Variants in MAF observed in about 807,000 individuals in gnomAD.
MAF encodes transcription factor Maf.
MAF carries 10 observed loss-of-function variants against 22.0 expected under a neutral mutation model. That is an observed-to-expected ratio of 0.45 (90% CI 0.28 to 0.77). The LOEUF (loss-of-function observed/expected upper bound fraction) is 0.77. MAF is among the 30% of genes least tolerant of loss of function. The pLI is 0.12. For synonymous variants in MAF, 337 were observed against 255.8 expected (o/e 1.32, Z -3.03); for missense variants, 544 against 548.4 (o/e 0.99, Z 0.08).
the MAF span, among the ~76,000 whole-genome samples, chr16:79,386,364 G>A: frequency 2.6e-5 from 4 of 152,148 alleles, no homozygotes; most frequent in Non-Finnish European, 4.4e-5. Context: ...ATTCTCATAA[G>A]GAACATGTAA....
At chr16:79,585,693 C>T (rs958249164), downstream of MAF, 28 of 540,186 alleles carry the variant, frequency 5.2e-5, no homozygotes, top group Non-Finnish European at 9.0e-5. Context: ...TCTTTGGCAC[C>T]TAGTGTCACC....
the MAF span, among the ~76,000 whole-genome samples, chr16:79,545,590 A>C: frequency 6.6e-6 from 1 of 151,934 alleles, no homozygotes; most frequent in Non-Finnish European, 1.5e-5. Context: ...AATTTTTGTA[A>C]GTATCACTGC....
At chr16:79,598,660 T>C in intron 1 of MAF, 125 bp downstream of exon 1, 2 of 1,441,966 alleles carry the variant, frequency 1.4e-6, no homozygotes, top group Non-Finnish European at 1.8e-6. Flanking sequence ...GGGGCCAAAC[T>C]CGGTGGGGGT....
At chr16:79,535,586 C>CTTTTTTTTTTTTTTTTTTTTTT in the MAF span, among the ~76,000 whole-genome samples, 2 of 130,590 alleles carry the variant, frequency 1.5e-5, 1 homozygote. Flanking sequence ...ATTGCTTCTT[C>CTTTTTTTTTTTTTTTTTTTTTT]TTTTTTTTTT....
the MAF span, among the ~76,000 whole-genome samples, chr16:79,397,463 A>G: frequency 6.6e-6 from 1 of 152,238 alleles, no homozygotes; most frequent in Non-Finnish European, 1.5e-5. Context: ...CATTCTAATT[A>G]AAGCCAGAAT....
the MAF span, among the ~76,000 whole-genome samples, chr16:79,441,938 C>A: frequency 1.3e-5 from 2 of 152,106 alleles, no homozygotes; most frequent in Non-Finnish European, 2.9e-5. Context: ...GAGATTTGGA[C>A]ACAGAGAGGC....
At chr16:79,486,596 T>C in the MAF span, among the ~76,000 whole-genome samples, 4 of 152,238 alleles carry the variant, frequency 2.6e-5, no homozygotes, top group Non-Finnish European at 5.9e-5. Context: ...GTTTGGTTAT[T>C]GCTCATTCAA....
the MAF span, among the ~76,000 whole-genome samples, chr16:79,522,368 T>A: frequency 7.2e-5 from 11 of 152,164 alleles, no homozygotes; most frequent in African/African-American, 2.7e-4. Flanking sequence ...CTGCAAATGG[T>A]GGCCTGTACC....
chr16:79,512,084 G>A, the MAF span, among the ~76,000 whole-genome samples: 5 of 152,108 alleles, frequency 3.3e-5, no homozygotes, highest in Non-Finnish European at 5.9e-5. Context: ...CTGTGATGGC[G>A]AACTCACTAC....
At chr16:79,535,289 C>G in the MAF span, among the ~76,000 whole-genome samples, 1 of 151,836 alleles carries the variant, frequency 6.6e-6, no homozygotes, top group Non-Finnish European at 1.5e-5. Context: ...CCTCGGTTTT[C>G]TGATACTATC....
the MAF span, among the ~76,000 whole-genome samples, chr16:79,237,942 A>C: frequency 6.6e-6 from 1 of 152,086 alleles, no homozygotes; most frequent in Non-Finnish European, 1.5e-5. Flanking sequence ...GTGCATCGTG[A>C]CAGTCCAGCA....
At chr16:79,503,917 A>T in the MAF span, among the ~76,000 whole-genome samples, 2 of 152,230 alleles carry the variant, frequency 1.3e-5, no homozygotes, top group African/African-American at 4.8e-5. Flanking sequence ...CACTTATAAA[A>T]TTAGGCCAAA....
chr16:79,539,495 C>T, the MAF span, among the ~76,000 whole-genome samples: 1 of 152,200 alleles, frequency 6.6e-6, no homozygotes, highest in South Asian at 2.1e-4. Context: ...CAGAGCGAGA[C>T]TCCACCTCAA....
At chr16:79,532,181 A>G in the MAF span, among the ~76,000 whole-genome samples, 3 of 152,224 alleles carry the variant, frequency 2.0e-5, no homozygotes, top group Admixed American at 2.0e-4. Flanking sequence ...AACTGACCCC[A>G]GTAGTGCATG....
chr16:79,445,427 C>G, the MAF span, among the ~76,000 whole-genome samples: 1 of 152,154 alleles, frequency 6.6e-6, no homozygotes, highest in Non-Finnish European at 1.5e-5. Flanking sequence ...TACAAGAACC[C>G]TTTTTACAAA....
chr16:79,252,721 C>T, the MAF span, among the ~76,000 whole-genome samples: 1 of 152,122 alleles, frequency 6.6e-6, no homozygotes, highest in African/African-American at 2.4e-5. Context: ...AACTCCTGAC[C>T]TCAGGTGATC....
the MAF span, among the ~76,000 whole-genome samples, chr16:79,536,872 G>T: frequency 9.7e-4 from 147 of 152,308 alleles, 3 homozygotes; most frequent in South Asian, 0.022. Context: ...ACCATTTTAA[G>T]TAAGAGACTT....
chr16:79,458,898 T>C, the MAF span, among the ~76,000 whole-genome samples: 1 of 152,234 alleles, frequency 6.6e-6, no homozygotes, highest in Non-Finnish European at 1.5e-5. Flanking sequence ...TCTGCAGAGA[T>C]GCTAAACAAG....
At chr16:79,392,931 C>G in the MAF span, among the ~76,000 whole-genome samples, 1 of 152,190 alleles carries the variant, frequency 6.6e-6, no homozygotes. Flanking sequence ...TGGAGACACC[C>G]CAGTAATGGT....
Sources: gnomAD v4.1 joint callset for allele counts (sites outside exome capture counted in the v4.1 genomes callset) on GRCh38, gnomAD v4.1.1 for gene constraint, MANE v1.5 for transcripts, NCBI Gene and HGNC (gene_info 2026-07-23, HGNC 2026-07-21) for gene names.